Variants in ARHGAP25 observed in about 807,000 individuals in gnomAD.
The protein encoded by ARHGAP25 is Rho GTPase activating protein 25, also known as rho GTPase-activating protein 25.
Under a neutral mutation model 71.0 loss-of-function variants are expected in ARHGAP25, and 34 were observed. The observed-to-expected ratio is 0.48, with a 90% CI of 0.36 to 0.64. The LOEUF (loss-of-function observed/expected upper bound fraction) is 0.64, where lower values mean the gene tolerates loss of function less well. ARHGAP25 is among the 30% of genes least tolerant of loss of function. ARHGAP25 has a pLI of 0.00. For missense variants in ARHGAP25, 706 were observed against 805.1 expected (o/e 0.88, Z 1.49); for synonymous variants, 282 against 296.5 (o/e 0.95, Z 0.50).
chr2:68,782,698 A>G (rs113705399), intron 3 of ARHGAP25, among the ~76,000 whole-genome samples: 4,911 of 152,348 alleles, frequency 0.032, 123 homozygotes, highest in Admixed American at 0.052. Flanking sequence ...CAGTTAAAAT[A>G]TAAATGGAAC....
At chr2:68,743,868 C>T (rs1482617993) in intron 1 of ARHGAP25, among the ~76,000 whole-genome samples, 3 of 152,076 alleles carry the variant, frequency 2.0e-5, no homozygotes, top group East Asian at 1.9e-4. Flanking sequence ...AGAATCAGGT[C>T]GCTAGGCCCA....
chr2:68,738,197 G>T (rs181305281), intron 1 of ARHGAP25, among the ~76,000 whole-genome samples: 1 of 151,166 alleles, frequency 6.6e-6, no homozygotes, highest in East Asian at 1.9e-4. Flanking sequence ...CTGCCTTCAC[G>T]CAGTTACTCA....
At chr2:68,756,431 G>T (rs1008162275) in intron 1 of ARHGAP25, among the ~76,000 whole-genome samples, 11 of 152,178 alleles carry the variant, frequency 7.2e-5, no homozygotes, top group South Asian at 2.1e-4. Flanking sequence ...ACTTCCAGGG[G>T]ATTTAAAGAG....
At position 68,819,239 on chromosome 2, in the gene ARHGAP25, G is replaced by A. The variant is rs1221230119; in HGVS notation, c.1120G>A (p.Ala374Thr). 1.2e-6 allele frequency: 2 copies of A among 1,614,022 alleles called. No individual in the cohort carries two copies. Among genetic ancestry groups the A allele is most frequent in the Admixed American group, 3.3e-5 (2 of 60,000 alleles). The change falls in exon 9 of 11, where the codon GCT becomes ACT. Residue 374 changes from alanine (A) to threonine (T), a missense_variant. Transcript: ENST00000409202. ...PPAQKNDPKK[A>T]PVARSSVGWD... is the part of the protein sequence containing the mutation. ...TGCCCAGAAAAATGACCCCAAGAAA[G>A]CTCCAGTGGCCCGAAGCTCTGTAGG...
intron 8 of ARHGAP25, 88 bp from the exon 9 acceptor site, chr2:68,819,035 G>A: frequency 8.1e-7 from 1 of 1,231,468 alleles, no homozygotes; most frequent in South Asian, 1.6e-5. Context: ...TTAGAACCGA[G>A]TTTGGAGACA....
At chr2:68,758,255 C>T (rs1244686186) in intron 1 of ARHGAP25, among the ~76,000 whole-genome samples, 3 of 151,906 alleles carry the variant, frequency 2.0e-5, no homozygotes, top group African/African-American at 4.8e-5. Context: ...AAGTAAGTTG[C>T]TGCTTGCCAG....
At chr2:68,753,694 C>G (rs1281396135) in intron 1 of ARHGAP25, among the ~76,000 whole-genome samples, 1 of 152,124 alleles carries the variant, frequency 6.6e-6, no homozygotes, top group Non-Finnish European at 1.5e-5. Context: ...TTCCCACGTT[C>G]TCATGTTTTT....
At chr2:68,770,322 C>A (rs1677401669) in intron 1 of ARHGAP25, among the ~76,000 whole-genome samples, 1 of 152,188 alleles carries the variant, frequency 6.6e-6, no homozygotes, top group African/African-American at 2.4e-5. Context: ...ATTCTACTCC[C>A]TTTTCAAATC....
At chr2:68,757,861 T>G (rs1676576349) in intron 1 of ARHGAP25, 1 of 152,096 alleles carries the variant, frequency 6.6e-6, no homozygotes, top group Non-Finnish European at 1.5e-5. Context: ...AGCATTATTG[T>G]CAGTCTGGTT....
At chr2:68,821,327 T>C (rs1681648525) in intron 9 of ARHGAP25, among the ~76,000 whole-genome samples, 1 of 152,136 alleles carries the variant, frequency 6.6e-6, no homozygotes, top group South Asian at 2.1e-4. Context: ...CTTGAACTCC[T>C]GAGCTCAAGT....
At chr2:68,823,717 T>G (rs1252125020) in intron 10 of ARHGAP25, among the ~76,000 whole-genome samples, 1 of 152,170 alleles carries the variant, frequency 6.6e-6, no homozygotes, top group Admixed American at 6.5e-5. Context: ...GGTTTCAACC[T>G]GGTTTATGCT....
At chr2:68,766,048 C>G (rs1337625979) in intron 1 of ARHGAP25, among the ~76,000 whole-genome samples, 6 of 152,216 alleles carry the variant, frequency 3.9e-5, no homozygotes, top group Non-Finnish European at 8.8e-5. Flanking sequence ...TTATGCAATA[C>G]AAATATTTCA....
At chr2:68,736,807 A>T (rs1350106181) in intron 1 of ARHGAP25, among the ~76,000 whole-genome samples, 1 of 152,108 alleles carries the variant, frequency 6.6e-6, no homozygotes, top group African/African-American at 2.4e-5. Flanking sequence ...CAAAATCAGA[A>T]TCTCTGGAGG....
In ARHGAP25 at chr2:68,736,960, T is replaced by C. The variant is rs541495464; in HGVS notation, c.61+1700T>C. 3.2e-4 allele frequency among the ~76,000 whole-genome samples: 48 copies of C among 152,222 alleles called. 1 individual carries two copies. The highest frequency in any genetic ancestry group is 1.0e-3 in the African/African-American group (42 of 41,526). ...CATTTAGTATAGGGCACAGTGCTTG[T>C]TCTTAACTGGGCACACAATAAATAT... is the stretch of plus-strand genomic sequence containing the variant. On this transcript the variant is annotated intron_variant, in intron 1 of 10. Coordinates refer to ENST00000409202, the MANE Select transcript of ARHGAP25 (RefSeq NM_001007231.3).
intron 4 of ARHGAP25, among the ~76,000 whole-genome samples, chr2:68,804,755 G>A (rs551822736): frequency 1.3e-5 from 2 of 152,312 alleles, no homozygotes; most frequent in East Asian, 3.9e-4. Flanking sequence ...TCCTATTAGT[G>A]TTTAAACTAA....
chr2:68,812,962 T>TA (rs1680937498), intron 5 of ARHGAP25, among the ~76,000 whole-genome samples: 1 of 152,200 alleles, frequency 6.6e-6, no homozygotes, highest in Admixed American at 6.5e-5. Context: ...CAATGCTAAT[T>TA]GTGAGGCACT....
intron 4 of ARHGAP25, among the ~76,000 whole-genome samples, chr2:68,790,196 GGC>G (rs1679066934): frequency 6.6e-6 from 1 of 152,032 alleles, no homozygotes; most frequent in Non-Finnish European, 1.5e-5. Flanking sequence ...ACCTTGTTTT[GGC>G]CAGGCTGGTC....
chr2:68,806,416 T>C (rs945102405), intron 4 of ARHGAP25, among the ~76,000 whole-genome samples: 1 of 152,178 alleles, frequency 6.6e-6, no homozygotes, highest in African/African-American at 2.4e-5. Context: ...ACTACAGTAG[T>C]CCCTCTTTAT....
chr2:68,775,650 A>G (rs1018179643), intron 2 of ARHGAP25: 3 of 689,540 alleles, frequency 4.4e-6, no homozygotes, highest in East Asian at 6.2e-5. Context: ...AGTTTCCTAC[A>G]CATGGCTCTG....
Sources: gnomAD v4.1 joint callset for allele counts (sites outside exome capture counted in the v4.1 genomes callset) on GRCh38, gnomAD v4.1.1 for gene constraint, MANE v1.5 for transcripts, NCBI Gene and HGNC (gene_info 2026-07-23, HGNC 2026-07-21) for gene names.